Variants in FMNL3 observed in about 807,000 individuals in gnomAD.
FMNL3 encodes the protein formin-like protein 3.
A neutral mutation model predicts 119.6 loss-of-function variants in FMNL3; 57 were observed. The observed-to-expected ratio is 0.48, with a 90% CI of 0.39 to 0.59. The LOEUF (loss-of-function observed/expected upper bound fraction) is 0.59. FMNL3 is among the 20% of genes least tolerant of loss of function. FMNL3 has a pLI of 0.00. For synonymous variants in FMNL3, 491 were observed against 507.3 expected (o/e 0.97, Z 0.43); for missense variants, 1,053 against 1,323.5 (o/e 0.80, Z 3.17).
intron 4 of FMNL3, among the ~76,000 whole-genome samples, chr12:49,664,652 T>G (rs1943837407): frequency 6.6e-6 from 1 of 152,140 alleles, no homozygotes; most frequent in African/African-American, 2.4e-5. Flanking sequence ...CAGCTTGACT[T>G]TCAATGTCTG....
chr12:49,649,569 C>T lies in FMNL3; in HGVS notation c.2236-31G>A, dbSNP rs1201124468. ...GGACAATATGAACACTGAAGTAACC[C>T]CAGGCTGAGATGGGGTAAAGACAGG... On this transcript the variant is annotated intron_variant, in intron 18 of 25. Transcript: ENST00000335154. This position sits in a 1 kb window ranked among gnomAD's most constrained non-coding sequence, Gnocchi z 5.6. The T allele has an allele frequency of 1.2e-6, 2 of 1,613,992 alleles. No individual in the cohort carries two copies. The highest frequency in any genetic ancestry group is 1.3e-5 in the African/African-American group (1 of 75,050).
At position 49,654,792 on chromosome 12, in the gene FMNL3, AG is replaced by A. The variant is rs1565871666; in HGVS notation, c.960+117del. 4 of 964,992 alleles carry A rather than the reference AG, an allele frequency of 4.1e-6. No homozygotes were observed. In the African/African-American group the frequency reaches 6.5e-5, roughly 16 times the overall value. The allele number at this position is 964,992 out of a possible 1,614,324, so 59.8% of individuals were successfully genotyped here. A position where few individuals can be genotyped will look rare whatever the true frequency, so the allele number is the denominator to read the frequency against. ...GGTGGACAAGAAGCATTTGCTGAAT[AG>A]AATCATTCTGGGCTCTACGTGGAAT... On this transcript the variant is annotated intron_variant, in intron 10 of 25. Coordinates refer to ENST00000335154, the MANE Select transcript of FMNL3 (RefSeq NM_175736.5).
intron 25 of FMNL3, 91 bp downstream of exon 25, chr12:49,646,795 G>T (rs1332243723): frequency 6.2e-7 from 1 of 1,605,418 alleles, no homozygotes; most frequent in Non-Finnish European, 8.5e-7. Flanking sequence ...GCCTCATGGG[G>T]GGTGGGGTGG....
intron 5 of FMNL3, chr12:49,659,894 G>A: frequency 1.0e-6 from 1 of 985,404 alleles, no homozygotes; most frequent in Non-Finnish European, 1.2e-6. Flanking sequence ...ATCTCTTACA[G>A]GTTCTTCTCC....
In FMNL3 at chr12:49,647,008, G is replaced by T. The variant is rs1943220593; in HGVS notation, c.2873C>A (p.Thr958Asn). The T allele has an allele frequency of 1.2e-6, 2 of 1,605,134 alleles. No homozygotes were observed. Among genetic ancestry groups the T allele is most frequent in the African/African-American group, 1.5e-5 (1 of 67,514 alleles). Residue 958 changes from threonine (T) to asparagine (N), a missense_variant and splice_region_variant, in exon 25 of 26, where the codon ACC (threonine) becomes AAC (asparagine). Physicochemically the swap from Thr to Asn is moderately conservative, Grantham distance 65. Coordinates refer to ENST00000335154, the MANE Select transcript of FMNL3 (RefSeq NM_175736.5). The surrounding 1 kb of genome is among the most constrained non-coding windows in gnomAD (Gnocchi z 4.9). ...TTGCCACTTGTTCCGCTGGGATGGG[G>T]TCTAGGGCCAAGAATGTGGAGGGGA... ...AQEAKKLDAK[T>N]PSQRNKWQQQ... is the part of the protein sequence containing the mutation.
intron 9 of FMNL3, 84 bp from the exon 10 acceptor site, chr12:49,655,068 G>A: frequency 8.0e-7 from 1 of 1,250,144 alleles, no homozygotes; most frequent in African/African-American, 1.5e-5. Flanking sequence ...GAACATCATG[G>A]CAAAGGACTG....
intron 10 of FMNL3, among the ~76,000 whole-genome samples, chr12:49,654,545 G>T (rs1943511612): frequency 6.6e-6 from 1 of 152,174 alleles, no homozygotes; most frequent in South Asian, 2.1e-4. Flanking sequence ...ATAGCTATCT[G>T]ATTTCCTTTG....
chr12:49,642,263 G>T lies in FMNL3; in HGVS notation c.*3552C>A, dbSNP rs752817506. 63 of 1,614,072 alleles carry T rather than the reference G, an allele frequency of 3.9e-5. No individual in the cohort carries two copies. The highest frequency in any genetic ancestry group is 5.3e-5 in the Non-Finnish European group (62 of 1,180,030). ...CTGGAGAAAGCAGAGGCACGGGAGA[G>T]GGAGCGGGAGAAGGAGGAGGCACGC... On this transcript the variant is annotated 3_prime_UTR_variant, in exon 26 of 26. Coordinates refer to ENST00000335154, the MANE Select transcript of FMNL3 (RefSeq NM_175736.5). The surrounding 1 kb of genome is among the most constrained non-coding windows in gnomAD (Gnocchi z 5.8).
Position 49,642,834 on chromosome 12 carries a change from C to A in FMNL3, c.*2981G>T. ...CCTGGGATAGGCAGAAGGCTCTAGT[C>A]TGAGAAAGGGAGGCAAAGCCAGATT... On this transcript the variant is annotated 3_prime_UTR_variant, in exon 26 of 26. Transcript: ENST00000335154. This position sits in a 1 kb window ranked among gnomAD's most constrained non-coding sequence, Gnocchi z 5.8. 2 of 1,459,784 alleles carry A rather than the reference C, an allele frequency of 1.4e-6. No individual in the cohort carries two copies. The highest frequency in any genetic ancestry group is 1.2e-5 in the South Asian group (1 of 81,342). 90.4% of individuals were successfully genotyped at this position (1,459,784 alleles called of 1,614,324 possible). A position where few individuals can be genotyped will look rare whatever the true frequency, so the allele number is the denominator to read the frequency against.
rs1380111328 is a variant in FMNL3 at position 49,637,334 on chromosome 12, T to C, written c.*8481A>G. ...TCAGCCTTCCATCTGCATCTCTTCA[T>C]CTCTGCCTCTCTTGCCTGCATTTCC... On this transcript the variant is annotated 3_prime_UTR_variant, in exon 26 of 26. Transcript: ENST00000335154. 3.1e-6 allele frequency: 2 copies of C among 636,346 alleles called. No homozygotes were observed. Among genetic ancestry groups the C allele is most frequent in the Non-Finnish European group, 5.6e-6 (2 of 356,534 alleles). 39.4% of individuals were successfully genotyped at this position (636,346 alleles called of 1,614,324 possible).
intron 1 of FMNL3, among the ~76,000 whole-genome samples, chr12:49,695,386 C>CT (rs1284105729): frequency 2.0e-5 from 3 of 151,900 alleles, no homozygotes; most frequent in Admixed American, 2.0e-4. Flanking sequence ...TCCAACAGTC[C>CT]TTTTAGCATG....
chr12:49,659,039 G>A (rs1004867043), intron 5 of FMNL3, among the ~76,000 whole-genome samples: 22 of 152,252 alleles, frequency 1.4e-4, no homozygotes, highest in Non-Finnish European at 2.8e-4. Flanking sequence ...GGTCTTGCTA[G>A]CTGGCAAATG....
rs1206922991 is a variant in FMNL3 at position 49,658,428 on chromosome 12, A to G, written c.605+14T>C. ...AGGGTGGGAGGCAGGTGGGCAGAGC[A>G]AAAGCACACATACCGGAGCACAGAC... On this transcript the variant is annotated intron_variant, in intron 6 of 25. Coordinates refer to ENST00000335154, the MANE Select transcript of FMNL3 (RefSeq NM_175736.5). The G allele has an allele frequency of 1.9e-6, 3 of 1,581,064 alleles. No homozygotes were observed. The highest frequency in any genetic ancestry group is 1.7e-6 in the Non-Finnish European group (2 of 1,160,106).
At chr12:49,651,579 T>A in intron 14 of FMNL3, 129 bp from the exon 15 acceptor site, 1 of 855,448 alleles carries the variant, frequency 1.2e-6, no homozygotes, top group Non-Finnish European at 1.6e-6. Flanking sequence ...GGAGCCTACA[T>A]GAACTCTGCT....
intron 21 of FMNL3, among the ~76,000 whole-genome samples, chr12:49,648,746 A>C (rs1406901042): frequency 6.6e-6 from 1 of 152,224 alleles, no homozygotes; most frequent in Non-Finnish European, 1.5e-5. Context: ...CTCTGGGGCC[A>C]GCTTGAGGGA....
In FMNL3 at chr12:49,645,958, G is replaced by A. The variant is rs368500541; in HGVS notation, c.2996-55C>T. ...GGATGGGAGGGTGAGCCAGGACAGT[G>A]CCCTCAAGAGCAGCCCCACAGGTAG... On this transcript the variant is annotated intron_variant, in intron 25 of 25. Coordinates refer to ENST00000335154, the MANE Select transcript of FMNL3 (RefSeq NM_175736.5). The A allele has an allele frequency of 7.3e-6, 11 of 1,503,792 alleles. No homozygotes were observed. The African/African-American group carries it at 1.5e-4, about 21-fold the overall frequency. The allele number at this position is 1,503,792 out of a possible 1,614,324, so 93.2% of individuals were successfully genotyped here. A position where few individuals can be genotyped will look rare whatever the true frequency, so the allele number is the denominator to read the frequency against.
At chr12:49,651,031 C>T in intron 16 of FMNL3, 137 bp downstream of exon 16, 1 of 1,453,330 alleles carries the variant, frequency 6.9e-7, no homozygotes, top group Admixed American at 1.8e-5. Flanking sequence ...AATATACGTA[C>T]ACTCAAGAAT....
chr12:49,665,288 A>G (rs1943859101), intron 4 of FMNL3, among the ~76,000 whole-genome samples: 1 of 151,450 alleles, frequency 6.6e-6, no homozygotes, highest in Non-Finnish European at 1.5e-5. Flanking sequence ...TGGGGACACC[A>G]GGGTCTGTGA....
At chr12:49,688,374 T>C (rs143289156) in intron 1 of FMNL3, 1 of 455,862 alleles carries the variant, frequency 2.2e-6, no homozygotes, top group East Asian at 6.9e-5. Context: ...TACCTAGAAG[T>C]TTCCCTACAA....
Sources: allele counts gnomAD v4.1 joint callset (sites outside exome capture counted in the v4.1 genomes callset), GRCh38; gene constraint gnomAD v4.1.1; non-coding constraint Gnocchi (gnomAD v3.1); transcripts MANE v1.5; gene names NCBI Gene and HGNC (gene_info 2026-07-23, HGNC 2026-07-21).